ATP8A2: variants seen among roughly 807,000 people sequenced by gnomAD.
ATP8A2 encodes ATPase phospholipid transporting 8A2.
ATP8A2 carries 100 observed loss-of-function variants against 165.6 expected under a neutral mutation model. The ratio of observed to expected loss-of-function variants is 0.60; its 90% CI spans 0.51 to 0.71. The LOEUF is 0.71. Among genes scored for constraint, ATP8A2 ranks in the 30% least tolerant of loss-of-function variants. ATP8A2 has a pLI of 0.00. For synonymous variants in ATP8A2, 543 were observed against 548.8 expected, an observed-to-expected ratio of 0.99 and a Z score of 0.15; for missense variants, 1,227 against 1,479.5, an observed-to-expected ratio of 0.83 and a Z score of 2.80.
chr13:25,888,812 TCGCACCATTG>T (rs1953255289), intron 33 of ATP8A2, among the ~76,000 whole-genome samples: 2 of 152,188 alleles, frequency 1.3e-5, no homozygotes, highest in African/African-American at 4.8e-5. Context: ...TGAGTCAAGA[TCGCACCATTG>T]CGCTCCAGCC....
intron 16 of ATP8A2, among the ~76,000 whole-genome samples, chr13:25,564,805 C>T (rs1268112103): frequency 3.3e-5 from 5 of 152,132 alleles, no homozygotes; most frequent in Admixed American, 6.5e-5. Flanking sequence ...GTGGTGCACC[C>T]GTCACCTGAG....
At chr13:25,744,346 C>A (rs1358914545) in intron 25 of ATP8A2, among the ~76,000 whole-genome samples, 1 of 150,550 alleles carries the variant, frequency 6.6e-6, no homozygotes, top group East Asian at 1.9e-4. Context: ...TGTATGTGCG[C>A]CCTTCTCTGT....
chr13:25,716,295 G>T (rs1307947666), intron 25 of ATP8A2, among the ~76,000 whole-genome samples: 2 of 152,072 alleles, frequency 1.3e-5, no homozygotes, highest in Admixed American at 6.5e-5. Context: ...TCACTTGATG[G>T]TATTGTTTGT....
chr13:25,471,967 A>G (rs1464011710), intron 2 of ATP8A2, among the ~76,000 whole-genome samples: 1 of 152,214 alleles, frequency 6.6e-6, no homozygotes, highest in Non-Finnish European at 1.5e-5. Context: ...TTCCGCATGC[A>G]CTGGATAGGG....
intron 15 of ATP8A2, among the ~76,000 whole-genome samples, chr13:25,561,120 C>T (rs920632799): frequency 7.9e-5 from 12 of 152,088 alleles, no homozygotes; most frequent in Admixed American, 5.9e-4. Flanking sequence ...CTCCTGACCT[C>T]GTGATCTGCC....
chr13:25,726,994 C>A (rs1593255131), intron 25 of ATP8A2, among the ~76,000 whole-genome samples: 1 of 152,064 alleles, frequency 6.6e-6, no homozygotes, highest in African/African-American at 2.4e-5. Flanking sequence ...CCTCATTTTT[C>A]GTTGTCTTGA....
chr13:25,830,744 C>T (rs1313112800), intron 28 of ATP8A2, among the ~76,000 whole-genome samples: 1 of 152,242 alleles, frequency 6.6e-6, no homozygotes, highest in Non-Finnish European at 1.5e-5. Context: ...TTTCTCCATA[C>T]TTGTACGCAT....
Position 25,582,746 on chromosome 13 carries a change from GTCT to G in ATP8A2, c.2146+794_2146+796del, listed in dbSNP as rs747518145. On this transcript the variant is annotated intron_variant, in intron 23 of 36. Transcript: ENST00000381655. Reference sequence around the variant, plus strand: ...AGTGACTATAGTCCTCTTCAGAGTAGTCTTCTTGGAATATTCTCAACATAATCC... The same window carrying G: ...AGTGACTATAGTCCTCTTCAGAGTAGTCTTGGAATATTCTCAACATAATCC... 5.9e-5 allele frequency among the ~76,000 whole-genome samples: 9 copies of G among 152,306 alleles called. No homozygotes were observed. In the South Asian group the frequency reaches 1.7e-3, roughly 28 times the overall value.
intron 27 of ATP8A2, among the ~76,000 whole-genome samples, chr13:25,787,490 G>A (rs1566138309): frequency 6.6e-6 from 1 of 152,176 alleles, no homozygotes; most frequent in Non-Finnish European, 1.5e-5. Context: ...CCTAATTTTG[G>A]TGATTATGAA....
chr13:25,516,441 C>G (rs1219459276), intron 2 of ATP8A2, among the ~76,000 whole-genome samples: 4 of 152,144 alleles, frequency 2.6e-5, no homozygotes, highest in Admixed American at 2.6e-4. Context: ...GGGATTATTT[C>G]CCTCTGTTTG....
At chr13:25,791,144 A>G (rs1449559992) in intron 27 of ATP8A2, among the ~76,000 whole-genome samples, 1 of 152,236 alleles carries the variant, frequency 6.6e-6, no homozygotes. Context: ...CCAAATGCCC[A>G]TCAATGATAG....
intron 25 of ATP8A2, among the ~76,000 whole-genome samples, chr13:25,734,742 G>A (rs1334800281): frequency 2.6e-5 from 4 of 152,162 alleles, no homozygotes; most frequent in South Asian, 2.1e-4. Context: ...AGATTCAAGC[G>A]ATTCTCCTGC....
chr13:25,548,710 T>C (rs972971855), intron 10 of ATP8A2, among the ~76,000 whole-genome samples: 1 of 152,180 alleles, frequency 6.6e-6, no homozygotes, highest in Non-Finnish European at 1.5e-5. Flanking sequence ...TTTAAGTCCG[T>C]AAAGGATGAA....
chr13:25,517,164 G>C (rs117887345), intron 2 of ATP8A2: 1 of 150,622 alleles, frequency 6.6e-6, no homozygotes, highest in East Asian at 1.9e-4. Flanking sequence ...ATGATACAGA[G>C]AAGGTTAGGA....
chr13:25,692,594 T>C (rs9578905), intron 24 of ATP8A2, among the ~76,000 whole-genome samples: 15,939 of 152,252 alleles, frequency 0.1, 962 homozygotes, highest in East Asian at 0.26. Context: ...AACCACCTTT[T>C]GAATCCTGGG....
At chr13:25,600,040 A>G (rs1033150125) in intron 24 of ATP8A2, among the ~76,000 whole-genome samples, 1 of 152,166 alleles carries the variant, frequency 6.6e-6, no homozygotes, top group African/African-American at 2.4e-5. Context: ...GAGTGGTTTC[A>G]ATGTTAAGAA....
intron 28 of ATP8A2, among the ~76,000 whole-genome samples, chr13:25,833,190 A>T (rs1378278716): frequency 2.0e-5 from 3 of 152,078 alleles, no homozygotes; most frequent in Non-Finnish European, 2.9e-5. Context: ...CTACATTTTT[A>T]AAAGTCTTAT....
chr13:25,597,453 A>G (rs1169995107), intron 24 of ATP8A2, among the ~76,000 whole-genome samples: 9 of 152,234 alleles, frequency 5.9e-5, no homozygotes, highest in Non-Finnish European at 1.3e-4. Context: ...GATGGCTTTA[A>G]TAAGTAACTG....
intron 30 of ATP8A2, among the ~76,000 whole-genome samples, chr13:25,843,501 A>G (rs1020198946): frequency 4.6e-5 from 7 of 152,062 alleles, no homozygotes; most frequent in African/African-American, 1.7e-4. Flanking sequence ...GGATTAGTGT[A>G]CCTATAAAAA....
Sources: gnomAD v4.1 joint callset for allele counts (sites outside exome capture counted in the v4.1 genomes callset) on GRCh38, gnomAD v4.1.1 for gene constraint, MANE v1.5 for transcripts, NCBI Gene and HGNC (gene_info 2026-07-23, HGNC 2026-07-21) for gene names.